UMODL1: variants seen among roughly 807,000 people sequenced by gnomAD.
UMODL1 encodes uromodulin like 1.
In UMODL1, 128 loss-of-function variants were observed where a neutral mutation model predicts 136.3. The observed-to-expected ratio is 0.94, with a 90% CI of 0.81 to 1.09. The LOEUF (loss-of-function observed/expected upper bound fraction) is 1.09. Ranked by LOEUF, UMODL1 falls within the 50% of genes least tolerant of loss-of-function variation. The pLI, the probability that UMODL1 is intolerant of heterozygous loss-of-function variation, is 0.00. For synonymous variants in UMODL1, 721 were observed against 720.0 expected (o/e 1.00, Z -0.02); for missense variants, 1,766 against 1,725.6 (o/e 1.02, Z -0.41).
At chr21:42,139,836 C>T (rs189647407) in intron 22 of UMODL1, among the ~76,000 whole-genome samples, 61 of 152,298 alleles carry the variant, frequency 4.0e-4, no homozygotes, top group Non-Finnish European at 7.3e-4. Flanking sequence ...CAGAATACTG[C>T]GCATGTTAGT....
At chr21:42,082,430 T>G (rs2066372859) in intron 2 of UMODL1, among the ~76,000 whole-genome samples, 1 of 152,218 alleles carries the variant, frequency 6.6e-6, no homozygotes, top group South Asian at 2.1e-4. Flanking sequence ...TGAGAGGTCT[T>G]GAGCTGTGCT....
chr21:42,113,283 T>C (rs1220420853), intron 12 of UMODL1, among the ~76,000 whole-genome samples: 1 of 149,628 alleles, frequency 6.7e-6, no homozygotes, highest in Non-Finnish European at 1.5e-5. Context: ...CAAGAGGCCT[T>C]CATTTTGGGG....
intron 22 of UMODL1, among the ~76,000 whole-genome samples, chr21:42,138,435 T>TG (rs199614819): frequency 0.013 from 1,931 of 152,332 alleles, 41 homozygotes; most frequent in African/African-American, 0.041. Context: ...GATGCTTCTC[T>TG]GATCTGCCCT....
Position 42,137,430 on chromosome 21 carries a change from C to T in UMODL1, c.3776-9C>T, listed in dbSNP as rs780560585. ...CAGATCTCTCACCTGTGCCTGTCTC[C>T]TCCCCGAGGTGAGCCTCCTCATGCA... On this transcript the variant is annotated splice_polypyrimidine_tract_variant and intron_variant, in intron 21 of 22. Transcript: ENST00000408910. 6 of 1,613,668 alleles carry T rather than the reference C, an allele frequency of 3.7e-6. No homozygotes were observed. The East Asian group carries it at 8.9e-5, about 24-fold the overall frequency.
In UMODL1 at chr21:42,106,548, A is replaced by G. The variant is rs2066722061; in HGVS notation, c.1519+2461A>G. ...TTGTCGTGACCTTATCTTTACCCTT[A>G]GGCCGTCCATCCCGGGGCCTGGGGT... is the stretch of plus-strand genomic sequence containing the variant. On this transcript the variant is annotated intron_variant, in intron 9 of 22. Coordinates refer to ENST00000408910, the MANE Select transcript of UMODL1 (RefSeq NM_001004416.3). 2.0e-5 allele frequency among the ~76,000 whole-genome samples: 3 copies of G among 151,502 alleles called. No homozygotes were observed. The South Asian group carries it at 6.2e-4, about 32-fold the overall frequency.
chr21:42,078,005 G>A (rs570050662), intron 2 of UMODL1, among the ~76,000 whole-genome samples: 35 of 152,322 alleles, frequency 2.3e-4, no homozygotes, highest in Middle Eastern at 3.4e-3. Context: ...GAGTTGATGC[G>A]TTTCTGTTGC....
rs961083802 is a variant in UMODL1 at position 42,110,932 on chromosome 21, G to A, written c.1710G>A (p.Thr570=). The stretch of plus-strand genomic sequence containing the variant: ...GACTGTCTGCGGCAACAGGGGTAAC[G>A]GTCCCAGGTCTTGGCACGGGAACAG... ...GGGLSAATGV[T]VPGLGTGTAA... Residue 570 remains threonine (T), a synonymous_variant, in exon 11 of 23, where the codon ACG becomes ACA. Coordinates refer to ENST00000408910, the MANE Select transcript of UMODL1 (RefSeq NM_001004416.3). 19 of 1,612,728 alleles carry A rather than the reference G, an allele frequency of 1.2e-5. No individual in the cohort carries two copies. The African/African-American group carries it at 1.2e-4, about 10-fold the overall frequency.
intron 16 of UMODL1, 39 bp downstream of exon 16, chr21:42,121,263 CATA>C (rs1342481627): frequency 6.4e-7 from 1 of 1,573,876 alleles, no homozygotes; most frequent in Admixed American, 1.9e-5. Flanking sequence ...AATACTGTAT[CATA>C]ATCGGTTTTT....
intron 2 of UMODL1, among the ~76,000 whole-genome samples, chr21:42,076,824 G>A (rs2066297187): frequency 6.6e-6 from 1 of 152,106 alleles, no homozygotes; most frequent in African/African-American, 2.4e-5. Flanking sequence ...GTGCTCAGAG[G>A]CCCCCAAGTC....
At chr21:42,108,768 A>G (rs2066761866) in intron 9 of UMODL1, among the ~76,000 whole-genome samples, 1 of 126,448 alleles carries the variant, frequency 7.9e-6, no homozygotes, top group African/African-American at 3.2e-5. Flanking sequence ...CGGTGACATG[A>G]CATCACAAGT....
chr21:42,077,889 C>T (rs1792137951), intron 2 of UMODL1, among the ~76,000 whole-genome samples: 1 of 152,220 alleles, frequency 6.6e-6, no homozygotes. Flanking sequence ...CTCCAGAAAC[C>T]AAGGGCCCCA....
intron 4 of UMODL1, chr21:42,086,479 CA>C (rs1569146146): frequency 6.6e-6 from 3 of 454,150 alleles, no homozygotes; most frequent in African/African-American, 6.0e-5. Flanking sequence ...AGGTAGTCTG[CA>C]GCCTCGGCCT....
intron 12 of UMODL1, among the ~76,000 whole-genome samples, chr21:42,112,011 C>T (rs1327292105): frequency 1.3e-5 from 2 of 152,026 alleles, no homozygotes; most frequent in Non-Finnish European, 2.9e-5. Flanking sequence ...TTACTTGTCG[C>T]GTTAGGTGCT....
chr21:42,076,774 C>G (rs142617919), intron 2 of UMODL1, among the ~76,000 whole-genome samples: 1 of 152,116 alleles, frequency 6.6e-6, no homozygotes, highest in Non-Finnish European at 1.5e-5. Flanking sequence ...AACTCCAATA[C>G]GTGAAAGAGC....
At chr21:42,065,399 C>T (rs557975561) in intron 1 of UMODL1, among the ~76,000 whole-genome samples, 62 of 152,306 alleles carry the variant, frequency 4.1e-4, no homozygotes, top group Non-Finnish European at 4.1e-4. Flanking sequence ...CTAGAAGCAC[C>T]GTGGTCTGAC....
At chr21:42,135,159 A>G (rs1450477617) in intron 21 of UMODL1, among the ~76,000 whole-genome samples, 1 of 152,262 alleles carries the variant, frequency 6.6e-6, no homozygotes, top group East Asian at 1.9e-4. Context: ...CATGTGGTCC[A>G]ACGGTCACGA....
chr21:42,127,784 T>A lies in UMODL1; in HGVS notation c.3643T>A (p.Cys1215Ser), dbSNP rs373156259. Residue 1215 changes from cysteine (C) to serine (S), a missense_variant, in exon 20 of 23, where the codon TGC becomes AGC. Coordinates refer to ENST00000408910, the MANE Select transcript of UMODL1 (RefSeq NM_001004416.3). ...CAACGACTCCATCGTCTACCTGCAC[T>A]GCAAACTCCGCGTCTGCATGGAATC... Reference protein sequence around the residue: ...FINDSIVYLHCKLRVCMESPG... With the variant: ...FINDSIVYLHSKLRVCMESPG... 30 of 1,614,082 alleles carry A rather than the reference T, an allele frequency of 1.9e-5. No individual in the cohort carries two copies. The African/African-American group carries it at 3.6e-4, about 19-fold the overall frequency.
chr21:42,109,524 G>T, intron 9 of UMODL1, 38 bp from the exon 10 acceptor site: 1 of 1,597,978 alleles, frequency 6.3e-7, no homozygotes. Flanking sequence ...CTCTTTGGCT[G>T]TTTTCTCATG....
rs200000934 is a variant in UMODL1, at chr21:42,126,429, C to T, written c.3232C>T (p.Pro1078Ser). The T allele has an allele frequency of 2.5e-6, 4 of 1,614,244 alleles. No individual in the cohort carries two copies. The East Asian group carries it at 8.9e-5, about 36-fold the overall frequency. ...GIIHHLKILSPIYCAFQNDLL... is the reference protein window; with the variant it reads ...GIIHHLKILSSIYCAFQNDLL... Reference sequence around the variant, plus strand: ...CATCCACCACCTGAAGATCCTGAGCCCCATCTACTGCGCCTTCCAGAATGA... The same window carrying T: ...CATCCACCACCTGAAGATCCTGAGCTCCATCTACTGCGCCTTCCAGAATGA... The change falls in exon 18 of 23, where the codon CCC (proline) becomes TCC (serine). Residue 1078 changes from proline (P) to serine (S), a missense_variant. Transcript: ENST00000408910.
Sources: allele counts gnomAD v4.1 joint callset (sites outside exome capture counted in the v4.1 genomes callset), GRCh38; gene constraint gnomAD v4.1.1; transcripts MANE v1.5; gene names NCBI Gene and HGNC (gene_info 2026-07-23, HGNC 2026-07-21).